The following PATJ variants were observed in gnomAD, a reference collection of about 807,000 sequenced individuals.
PATJ encodes the protein inaD-like protein.
In PATJ, 190 loss-of-function variants were observed where a neutral mutation model predicts 224.9. That is an observed-to-expected ratio of 0.84 (90% confidence interval 0.75 to 0.95). The LOEUF (loss-of-function observed/expected upper bound fraction) is 0.95. PATJ is among the 40% of genes least tolerant of loss of function. The probability of loss-of-function intolerance (pLI) is 0.00; values close to 1 mark genes in which losing one functional copy is unlikely to be tolerated. For synonymous variants in PATJ, 769 were observed against 820.3 expected (o/e 0.94, Z 1.07); for missense variants, 2,121 against 2,270.3 (o/e 0.93, Z 1.34).
chr1:61,750,773 G>A (rs1467239539), intron 1 of PATJ, among the ~76,000 whole-genome samples: 2 of 151,892 alleles, frequency 1.3e-5, no homozygotes, highest in East Asian at 1.9e-4. Context: ...GTTCCAGGAC[G>A]TAGTGTGGTA....
At chr1:62,123,136 G>T in intron 39 of PATJ, 78 bp downstream of exon 39, 1 of 988,016 alleles carries the variant, frequency 1.0e-6, no homozygotes, top group Non-Finnish European at 1.6e-6. Context: ...CCCCAATACA[G>T]TTTATTGGAT....
chr1:62,106,140 G>GTA lies in PATJ; in HGVS notation c.4378-2293_4378-2292dup, dbSNP rs1172785910. Reference sequence around the variant, plus strand: ...CACACAAACACACATATATACATGTGTATATGTGTGTGTGTGTGTATATAT... The same window carrying GTA: ...CACACAAACACACATATATACATGTGTATATATGTGTGTGTGTGTGTATATAT... On this transcript the variant is annotated intron_variant, in intron 33 of 43. Coordinates refer to ENST00000642238, the MANE Select transcript of PATJ (RefSeq NM_001350145.3). 1.2e-4 allele frequency among the ~76,000 whole-genome samples: 7 copies of GTA among 56,698 alleles called. No homozygotes were observed. In the South Asian group the frequency reaches 5.4e-3, roughly 44 times the overall value. 37.2% of individuals were successfully genotyped at this position (56,698 alleles called of 152,430 possible).
At chr1:61,759,566 C>T (rs1310286253) in intron 1 of PATJ, among the ~76,000 whole-genome samples, 7 of 152,130 alleles carry the variant, frequency 4.6e-5, no homozygotes, top group South Asian at 2.1e-4. Context: ...TCTGCCACCA[C>T]GCCCAGCAAA....
chr1:61,747,713 C>T (rs1645094371), intron 1 of PATJ, among the ~76,000 whole-genome samples: 2 of 152,182 alleles, frequency 1.3e-5, no homozygotes, highest in South Asian at 4.2e-4. Context: ...TTCCTAAAAA[C>T]ACGGTGGAGG....
intron 33 of PATJ, among the ~76,000 whole-genome samples, chr1:62,107,004 AC>A (rs1273163214): frequency 6.6e-6 from 1 of 151,208 alleles, no homozygotes; most frequent in African/African-American, 2.4e-5. Context: ...TCTAATCTCC[AC>A]TCAAAAGCTG....
At chr1:62,071,909 A>T (rs1041416572) in intron 31 of PATJ, among the ~76,000 whole-genome samples, 2 of 152,102 alleles carry the variant, frequency 1.3e-5, no homozygotes, top group African/African-American at 4.8e-5. Flanking sequence ...ACTACACCTC[A>T]CCACCTGGGT....
At chr1:61,951,346 G>A (rs932154688) in intron 27 of PATJ, among the ~76,000 whole-genome samples, 15 of 152,192 alleles carry the variant, frequency 9.9e-5, no homozygotes, top group African/African-American at 2.9e-4. Flanking sequence ...ATTAAAAATT[G>A]TATTGTTTAA....
intron 41 of PATJ, among the ~76,000 whole-genome samples, chr1:62,146,275 G>A (rs1466330312): frequency 6.6e-6 from 1 of 152,130 alleles, no homozygotes; most frequent in African/African-American, 2.4e-5. Flanking sequence ...AGGCAGAGAT[G>A]TCACAGGACA....
intron 1 of PATJ, among the ~76,000 whole-genome samples, chr1:61,755,855 G>A (rs921803941): frequency 6.6e-6 from 1 of 152,138 alleles, no homozygotes; most frequent in African/African-American, 2.4e-5. Flanking sequence ...AGGCTGGAGC[G>A]CAGTGGCATG....
chr1:61,813,362 TATATATATATATATATACACAC>T (rs1165316527), intron 14 of PATJ, among the ~76,000 whole-genome samples: 2 of 45,846 alleles, frequency 4.4e-5, no homozygotes, highest in East Asian at 3.8e-4. Context: ...TATATATATA[TATATATATATATATATACACAC>T]ACACACACAC....
intron 14 of PATJ, among the ~76,000 whole-genome samples, chr1:61,814,130 CTTTTTTTTTTT>C (rs762502160): frequency 1.2e-5 from 1 of 85,900 alleles, no homozygotes; most frequent in African/African-American, 4.8e-5. Context: ...TTATTCTCTT[CTTTTTTTTTTT>C]TTTTTTTTTT....
intron 17 of PATJ, 62 bp downstream of exon 17, chr1:61,833,847 A>G: frequency 6.7e-7 from 1 of 1,486,990 alleles, no homozygotes; most frequent in Non-Finnish European, 9.1e-7. Flanking sequence ...AAGTTATGGG[A>G]AGTAGCAATT....
intron 26 of PATJ, among the ~76,000 whole-genome samples, chr1:61,916,024 C>A (rs1673413146): frequency 6.6e-6 from 1 of 152,066 alleles, no homozygotes; most frequent in African/African-American, 2.4e-5. Context: ...ATACTGAAAT[C>A]TTGATTTATT....
At chr1:61,825,317 T>C (rs966974622) in intron 15 of PATJ, among the ~76,000 whole-genome samples, 3 of 152,216 alleles carry the variant, frequency 2.0e-5, no homozygotes, top group African/African-American at 7.2e-5. Flanking sequence ...TATGTGTGTG[T>C]GCATTTTCCA....
chr1:61,925,488 A>G (rs1254697793), intron 26 of PATJ, among the ~76,000 whole-genome samples: 2 of 152,208 alleles, frequency 1.3e-5, no homozygotes, highest in East Asian at 1.9e-4. Context: ...AAACAAAATC[A>G]TAGAACTGGA....
chr1:61,801,413 T>C (rs572543364), intron 11 of PATJ, among the ~76,000 whole-genome samples: 2 of 152,312 alleles, frequency 1.3e-5, no homozygotes, highest in East Asian at 3.9e-4. Flanking sequence ...AATAAGTTCA[T>C]TTTTTAAGGA....
chr1:61,883,062 A>G (rs1402020930), intron 21 of PATJ, among the ~76,000 whole-genome samples: 1 of 152,204 alleles, frequency 6.6e-6, no homozygotes, highest in Non-Finnish European at 1.5e-5. Flanking sequence ...TGCTTACTAT[A>G]TATACATGTT....
chr1:62,069,636 A>G (rs1240877553), intron 31 of PATJ, among the ~76,000 whole-genome samples: 1 of 152,196 alleles, frequency 6.6e-6, no homozygotes, highest in African/African-American at 2.4e-5. Flanking sequence ...TGAGGACAAG[A>G]AAAAAGGAAG....
At chr1:62,127,835 G>T (rs1338249744) in intron 39 of PATJ, 137 bp from the exon 40 acceptor site, 9 of 756,892 alleles carry the variant, frequency 1.2e-5, no homozygotes, top group Non-Finnish European at 1.7e-5. Context: ...TACTCCAAAG[G>T]TTCCACATTT....
Sources: allele counts gnomAD v4.1 joint callset (sites outside exome capture counted in the v4.1 genomes callset), GRCh38; gene constraint gnomAD v4.1.1; transcripts MANE v1.5; gene names NCBI Gene and HGNC (gene_info 2026-07-23, HGNC 2026-07-21).